ASTN2: variants seen among roughly 807,000 people sequenced by gnomAD.
The protein encoded by ASTN2 is astrotactin 2, also known as astrotactin-2.
In ASTN2, 54 loss-of-function variants were observed where a neutral mutation model predicts 139.8. That is an observed-to-expected ratio of 0.39 (90% CI 0.31 to 0.48). The LOEUF is 0.48. ASTN2 is among the 20% of genes least tolerant of loss of function. The pLI is 0.95. For missense variants in ASTN2, 1,565 were observed against 1,725.1 expected (o/e 0.91, Z 1.64); for synonymous variants, 756 against 719.5 (o/e 1.05, Z -0.81).
intron 11 of ASTN2, among the ~76,000 whole-genome samples, chr9:116,838,353 G>T (rs1233903923): frequency 6.7e-6 from 1 of 149,800 alleles, no homozygotes; most frequent in Non-Finnish European, 1.5e-5. Context: ...CAGGTGATCC[G>T]CCCGCCTCAG....
chr9:117,176,138 CA>C (rs1363789730), intron 3 of ASTN2, among the ~76,000 whole-genome samples: 3 of 151,676 alleles, frequency 2.0e-5, no homozygotes, highest in African/African-American at 7.3e-5. Context: ...CTTTGACATG[CA>C]AATTAAATAA....
At chr9:116,475,367 T>C (rs1391806660) in intron 20 of ASTN2, among the ~76,000 whole-genome samples, 1 of 152,182 alleles carries the variant, frequency 6.6e-6, no homozygotes, top group Non-Finnish European at 1.5e-5. Context: ...TTACAAAGCA[T>C]GGCTTAGAGT....
At chr9:117,256,059 C>T (rs1043249358) in intron 2 of ASTN2, among the ~76,000 whole-genome samples, 1 of 152,148 alleles carries the variant, frequency 6.6e-6, no homozygotes, top group Non-Finnish European at 1.5e-5. Flanking sequence ...AAAACACTGC[C>T]TCGTTTTCAA....
At chr9:117,203,145 A>G (rs934652734) in intron 3 of ASTN2, among the ~76,000 whole-genome samples, 19 of 151,842 alleles carry the variant, frequency 1.3e-4, no homozygotes, top group African/African-American at 4.4e-4. Flanking sequence ...ATACTTGTGT[A>G]TAATTCACTA....
chr9:117,090,153 T>C (rs1437815695), intron 5 of ASTN2, among the ~76,000 whole-genome samples: 1 of 152,260 alleles, frequency 6.6e-6, no homozygotes, highest in African/African-American at 2.4e-5. Flanking sequence ...TTATGTCCAT[T>C]CATCTATGTG....
At chr9:116,890,772 A>G (rs987921439) in intron 10 of ASTN2, among the ~76,000 whole-genome samples, 4 of 152,138 alleles carry the variant, frequency 2.6e-5, no homozygotes, top group African/African-American at 9.7e-5. Flanking sequence ...CAGCTCCAAG[A>G]AGAGAAGTGA....
rs545787302 is a variant in ASTN2 at position 116,842,307 on chromosome 9, T to C, written c.2040+21276A>G. 8.5e-5 allele frequency among the ~76,000 whole-genome samples: 13 copies of C among 152,266 alleles called. No individual in the cohort carries two copies. In the South Asian group the frequency reaches 2.5e-3, roughly 29 times the overall value. ...TTATGCACCTACCATAAGCTGGATGTTTCCCAATATGCTATCTTTTTTAAT... is the reference window on the plus strand; with the variant it reads ...TTATGCACCTACCATAAGCTGGATGCTTCCCAATATGCTATCTTTTTTAAT... On this transcript the variant is annotated intron_variant, in intron 11 of 22. Transcript: ENST00000313400.
At chr9:116,777,997 C>T (rs1286593787) in intron 13 of ASTN2, among the ~76,000 whole-genome samples, 1 of 152,112 alleles carries the variant, frequency 6.6e-6, no homozygotes, top group Non-Finnish European at 1.5e-5. Flanking sequence ...TGTGTGCCAC[C>T]ACACCCAGCT....
intron 1 of ASTN2, among the ~76,000 whole-genome samples, chr9:117,300,726 C>T (rs558992905): frequency 2.4e-4 from 37 of 152,258 alleles, no homozygotes; most frequent in Admixed American, 2.2e-3. Context: ...GGAGGTCACC[C>T]GTGGGGACAG....
chr9:117,312,273 A>G (rs1266453861), intron 1 of ASTN2, among the ~76,000 whole-genome samples: 1 of 152,204 alleles, frequency 6.6e-6, no homozygotes, highest in Non-Finnish European at 1.5e-5. Context: ...TCATCAAAGT[A>G]ATAAATAGAG....
chr9:116,720,443 T>C (rs1828439669), intron 16 of ASTN2, among the ~76,000 whole-genome samples: 1 of 152,156 alleles, frequency 6.6e-6, no homozygotes, highest in Admixed American at 6.5e-5. Context: ...GACATGTTAA[T>C]TGCATAGCAT....
intron 5 of ASTN2, among the ~76,000 whole-genome samples, chr9:117,085,751 G>A (rs1192302654): frequency 6.6e-6 from 1 of 152,138 alleles, no homozygotes; most frequent in Non-Finnish European, 1.5e-5. Context: ...AGTTCTCAGG[G>A]ATATGATCAG....
Position 116,838,186 on chromosome 9 carries a change from T to C in ASTN2, c.2041-17403A>G, listed in dbSNP as rs1262275416. 2.0e-5 allele frequency among the ~76,000 whole-genome samples: 3 copies of C among 148,748 alleles called. No individual in the cohort carries two copies. In the Admixed American group the frequency reaches 2.1e-4, roughly 10 times the overall value. On this transcript the variant is annotated intron_variant, in intron 11 of 22. Transcript: ENST00000313400. Reference sequence around the variant, plus strand: ...GTGCAGTGGTGCAATCTCGGCTCACTACAAGCTCTGCCTCCCAGGTTCACG... The same window carrying C: ...GTGCAGTGGTGCAATCTCGGCTCACCACAAGCTCTGCCTCCCAGGTTCACG...
At chr9:117,373,107 C>G (rs928519287) in intron 1 of ASTN2, among the ~76,000 whole-genome samples, 17 of 152,092 alleles carry the variant, frequency 1.1e-4, no homozygotes, top group African/African-American at 4.1e-4. Context: ...GGAACACACT[C>G]ATTATTATTG....
intron 2 of ASTN2, among the ~76,000 whole-genome samples, chr9:117,245,962 C>T (rs889525451): frequency 1.3e-5 from 2 of 152,062 alleles, no homozygotes; most frequent in Admixed American, 1.3e-4. Flanking sequence ...ATTTACTAGT[C>T]CACTTCCCCC....
chr9:116,790,668 T>C (rs1283745633), intron 13 of ASTN2, among the ~76,000 whole-genome samples: 2 of 148,204 alleles, frequency 1.3e-5, no homozygotes, highest in African/African-American at 2.5e-5. Flanking sequence ...CTTCTCTTTA[T>C]CTCCAGAGAT....
intron 1 of ASTN2, among the ~76,000 whole-genome samples, chr9:117,305,407 G>A (rs143556741): frequency 3.6e-4 from 55 of 152,258 alleles, no homozygotes; most frequent in African/African-American, 1.3e-3. Context: ...AGGCTCAACA[G>A]GAAAGGCTGA....
At chr9:116,627,119 T>C (rs973004045) in intron 17 of ASTN2, among the ~76,000 whole-genome samples, 4 of 152,208 alleles carry the variant, frequency 2.6e-5, no homozygotes, top group African/African-American at 9.7e-5. Flanking sequence ...TAGAATTAAG[T>C]AGCATGTGTA....
At chr9:117,075,013 T>C (rs1400959962) in intron 5 of ASTN2, among the ~76,000 whole-genome samples, 1 of 152,138 alleles carries the variant, frequency 6.6e-6, no homozygotes, top group African/African-American at 2.4e-5. Context: ...ACTGTCAGGC[T>C]AAGAAGTTGA....
Sources: allele counts gnomAD v4.1 joint callset (sites outside exome capture counted in the v4.1 genomes callset), GRCh38; gene constraint gnomAD v4.1.1; transcripts MANE v1.5; gene names NCBI Gene and HGNC (gene_info 2026-07-23, HGNC 2026-07-21).